TMEM164: variants seen among roughly 807,000 people sequenced by gnomAD.
TMEM164 encodes the protein RP13-360B22.2.
In TMEM164, 4 loss-of-function variants were observed where a neutral mutation model predicts 18.8. The observed-to-expected ratio is 0.21, with a 90% CI of 0.10 to 0.49. The LOEUF (loss-of-function observed/expected upper bound fraction) is 0.49, where lower values mean the gene tolerates loss of function less well. Ranked by LOEUF, TMEM164 falls within the 20% of genes least tolerant of loss-of-function variation. The pLI is 0.98. For missense variants in TMEM164, 108 were observed against 239.9 expected (o/e 0.45, Z 3.63); for synonymous variants, 86 against 101.7 (o/e 0.85, Z 0.93).
chrX:110,158,702 C>T (rs2067050931), intron 5 of TMEM164, among the ~76,000 whole-genome samples: 1 of 111,840 alleles, frequency 8.9e-6, no homozygotes, highest in Non-Finnish European at 1.9e-5. Flanking sequence ...CCCATACTTT[C>T]CACCCTATCA....
intron 4 of TMEM164, among the ~76,000 whole-genome samples, chrX:110,130,227 T>C (rs1426290164): frequency 8.9e-6 from 1 of 111,805 alleles, no homozygotes; most frequent in Non-Finnish European, 1.9e-5. Context: ...CATTGGTATA[T>C]CAAGTTTCTA....
intron 3 of TMEM164, among the ~76,000 whole-genome samples, chrX:110,087,211 G>T (rs2065866324): frequency 8.9e-6 from 1 of 111,995 alleles, no homozygotes; most frequent in Admixed American, 9.5e-5. Context: ...CAATAAAAGA[G>T]CAGTCATCAG....
chrX:110,127,128 A>AG (rs1464994978), intron 4 of TMEM164, among the ~76,000 whole-genome samples: 1 of 110,930 alleles, frequency 9.0e-6, no homozygotes, highest in African/African-American at 3.3e-5. Context: ...AGCAGGGACC[A>AG]GGGGGTGCTG....
intron 3 of TMEM164, among the ~76,000 whole-genome samples, chrX:110,095,615 T>A (rs2066004916): frequency 8.9e-6 from 1 of 112,125 alleles, no homozygotes; most frequent in Non-Finnish European, 1.9e-5. Context: ...TTCTTTGCGA[T>A]GGGTTCGAAC....
chrX:110,013,648 A>T (rs1220934028), intron 2 of TMEM164, among the ~76,000 whole-genome samples: 1 of 111,619 alleles, frequency 9.0e-6, no homozygotes, highest in East Asian at 2.8e-4. Context: ...TCCTAATGCA[A>T]GTTCAGCTTG....
chrX:110,101,266 ATT>A (rs2066106324), intron 3 of TMEM164, among the ~76,000 whole-genome samples: 1 of 111,720 alleles, frequency 9.0e-6, no homozygotes, highest in Non-Finnish European at 1.9e-5. Context: ...GAGTCTGGAG[ATT>A]TCTTATTCAG....
At chrX:110,131,561 C>T (rs1012743268) in intron 4 of TMEM164, among the ~76,000 whole-genome samples, 3 of 111,317 alleles carry the variant, frequency 2.7e-5, no homozygotes, top group African/African-American at 9.8e-5. Context: ...CGTTGATCCC[C>T]TTGTTCCACT....
intron 3 of TMEM164, among the ~76,000 whole-genome samples, chrX:110,079,175 ACT>A (rs1372370761): frequency 9.0e-6 from 1 of 111,470 alleles, no homozygotes; most frequent in Non-Finnish European, 1.9e-5. Context: ...TCCCGTCGAA[ACT>A]CTCAGAGAAT....
intron 2 of TMEM164, among the ~76,000 whole-genome samples, chrX:110,052,941 C>T (rs759874915): frequency 1.8e-5 from 2 of 109,405 alleles, no homozygotes; most frequent in Non-Finnish European, 3.8e-5. Context: ...TTAGTAGAGA[C>T]GGGGTTTCAC....
chrX:110,016,039 A>G (rs1450923993), intron 2 of TMEM164, among the ~76,000 whole-genome samples: 5 of 112,128 alleles, frequency 4.5e-5, no homozygotes, highest in Non-Finnish European at 1.9e-5. Context: ...TTTGTGGAGA[A>G]GAATGTGAAG....
chrX:110,180,488 C>G (rs367896098), downstream of TMEM164, among the ~76,000 whole-genome samples: 33 of 101,512 alleles, frequency 3.3e-4, no homozygotes, highest in African/African-American at 1.5e-3. Flanking sequence ...TGCCTGAACC[C>G]CCCCGCCCCG....
intron 5 of TMEM164, among the ~76,000 whole-genome samples, chrX:110,159,024 G>T (rs753065506): frequency 8.9e-6 from 1 of 112,368 alleles, no homozygotes; most frequent in East Asian, 2.8e-4. Flanking sequence ...TGTAATGGTG[G>T]TATATAAGTT....
At chrX:110,074,960 T>C (rs1320837720) in intron 3 of TMEM164, among the ~76,000 whole-genome samples, 2 of 112,074 alleles carry the variant, frequency 1.8e-5, no homozygotes, top group African/African-American at 6.5e-5. Context: ...TGGTTATCTA[T>C]GGATTTTAGA....
At chrX:110,070,490 G>T (rs1349737969) in intron 3 of TMEM164, among the ~76,000 whole-genome samples, 1 of 111,492 alleles carries the variant, frequency 9.0e-6, no homozygotes, top group Non-Finnish European at 1.9e-5. Context: ...CTAAGAAATG[G>T]TATTTCTTTC....
chrX:110,086,519 G>A (rs2065853568), intron 3 of TMEM164, among the ~76,000 whole-genome samples: 1 of 110,626 alleles, frequency 9.0e-6, no homozygotes, highest in East Asian at 2.8e-4. Flanking sequence ...TTACACAACA[G>A]TGTGAATGTA....
chrX:110,051,277 C>T (rs1242426893), intron 2 of TMEM164, among the ~76,000 whole-genome samples: 1 of 111,730 alleles, frequency 9.0e-6, no homozygotes, highest in East Asian at 2.8e-4. Flanking sequence ...GCCCAGGCCC[C>T]AGGCCCAACC....
At chrX:110,077,904 G>C (rs1440214598) in intron 3 of TMEM164, among the ~76,000 whole-genome samples, 11 of 111,367 alleles carry the variant, frequency 9.9e-5, no homozygotes, top group African/African-American at 3.6e-4. Flanking sequence ...CTTTTTCATT[G>C]TCCTTGGAAA....
intron 4 of TMEM164, among the ~76,000 whole-genome samples, chrX:110,142,142 G>T (rs943958162): frequency 5.3e-5 from 6 of 112,360 alleles, no homozygotes; most frequent in Admixed American, 2.8e-4. Flanking sequence ...GGCCTATGTT[G>T]CAGGGCAAGT....
intron 4 of TMEM164, among the ~76,000 whole-genome samples, chrX:110,130,390 T>G (rs1328740026): frequency 1.8e-5 from 2 of 111,982 alleles, no homozygotes; most frequent in Non-Finnish European, 3.8e-5. Context: ...TCTTTGTGTC[T>G]CAGTTTTCTT....
Sources: gnomAD v4.1 joint callset for allele counts (sites outside exome capture counted in the v4.1 genomes callset) on GRCh38, gnomAD v4.1.1 for gene constraint, MANE v1.5 for transcripts, NCBI Gene and HGNC (gene_info 2026-07-23, HGNC 2026-07-21) for gene names.